The following SPRED1 variants were observed in gnomAD, a reference collection of about 807,000 sequenced individuals.
SPRED1 encodes the protein sprouty-related, EVH1 domain-containing protein 1.
In SPRED1, 18 loss-of-function variants were observed where a neutral mutation model predicts 52.3. That is an observed-to-expected ratio of 0.34 (90% CI 0.24 to 0.51). The LOEUF is 0.51. Among genes scored for constraint, SPRED1 ranks in the 20% least tolerant of loss-of-function variants. SPRED1 has a pLI of 0.97. For missense variants in SPRED1, 485 were observed against 551.0 expected, an observed-to-expected ratio of 0.88 and a Z score of 1.20; for synonymous variants, 155 against 179.7, an observed-to-expected ratio of 0.86 and a Z score of 1.10.
intron 1 of SPRED1, among the ~76,000 whole-genome samples, chr15:38,285,967 G>A (rs999389422): frequency 7.2e-5 from 11 of 152,150 alleles, no homozygotes; most frequent in African/African-American, 2.2e-4. Context: ...AGATCAGGCA[G>A]GTGTGGAGGC....
chr15:38,349,766 T>G (rs538615598), intron 6 of SPRED1, among the ~76,000 whole-genome samples: 11 of 152,240 alleles, frequency 7.2e-5, no homozygotes, highest in Admixed American at 1.3e-4. Context: ...ATATTGTTAA[T>G]TAAATAAACT....
intron 2 of SPRED1, among the ~76,000 whole-genome samples, chr15:38,310,144 TG>T (rs1566863191): frequency 8.8e-5 from 12 of 136,104 alleles, no homozygotes; most frequent in South Asian, 2.5e-4. Flanking sequence ...TGTGTGTGTG[TG>T]TGTGTGTGTT....
At chr15:38,259,444 G>T (rs150773056) in intron 1 of SPRED1, among the ~76,000 whole-genome samples, 2 of 152,062 alleles carry the variant, frequency 1.3e-5, no homozygotes, top group African/African-American at 4.8e-5. Flanking sequence ...TGTGGTGATC[G>T]GGTCCTGCCC....
chr15:38,340,030 A>C, intron 5 of SPRED1, 135 bp downstream of exon 5: 1 of 1,132,916 alleles, frequency 8.8e-7, no homozygotes, highest in Non-Finnish European at 1.3e-6. Context: ...CACAAACAAA[A>C]CCAGGAGAAT....
At chr15:38,282,202 C>T (rs1168933858) in intron 1 of SPRED1, among the ~76,000 whole-genome samples, 3 of 152,028 alleles carry the variant, frequency 2.0e-5, no homozygotes, top group Non-Finnish European at 2.9e-5. Context: ...TGGCCAGAAT[C>T]GGTGGCTCAT....
intron 2 of SPRED1, among the ~76,000 whole-genome samples, chr15:38,320,160 A>G (rs1408443895): frequency 2.0e-5 from 3 of 152,194 alleles, no homozygotes; most frequent in Non-Finnish European, 4.4e-5. Context: ...GCTTTTAACA[A>G]TGGCTTCCAA....
chr15:38,340,950 C>A (rs1896016019), intron 5 of SPRED1, among the ~76,000 whole-genome samples: 1 of 145,734 alleles, frequency 6.9e-6, no homozygotes, highest in African/African-American at 2.5e-5. Context: ...TTATTTCTTT[C>A]TTAAATGTTT....
chr15:38,259,254 A>G (rs1275902128), intron 1 of SPRED1, among the ~76,000 whole-genome samples: 1 of 152,028 alleles, frequency 6.6e-6, no homozygotes, highest in Non-Finnish European at 1.5e-5. Flanking sequence ...TTTTTTATGT[A>G]TTTATTTATT....
intron 1 of SPRED1, among the ~76,000 whole-genome samples, chr15:38,254,290 T>C (rs1894046021): frequency 6.6e-6 from 1 of 152,188 alleles, no homozygotes; most frequent in Middle Eastern, 3.2e-3. Context: ...CTTTTTAAAG[T>C]CTGTACCGAG....
chr15:38,339,898 A>G lies in SPRED1; in HGVS notation c.582+3A>G, dbSNP rs1232737795. On this transcript the variant is annotated splice_donor_region_variant and intron_variant, in intron 5 of 6. Coordinates refer to ENST00000299084, the MANE Select transcript of SPRED1 (RefSeq NM_152594.3). ...ACATGCAAAGCCAAGCCAATCAGGTAAGAAGATAAAATATTTTTTCGGCGC... is the reference window on the plus strand; with the variant it reads ...ACATGCAAAGCCAAGCCAATCAGGTGAGAAGATAAAATATTTTTTCGGCGC... 1 of 1,613,704 alleles carries G rather than the reference A, an allele frequency of 6.2e-7. No individual in the cohort carries two copies. The highest frequency in any genetic ancestry group is 8.5e-7 in the Non-Finnish European group (1 of 1,179,852).
At chr15:38,339,086 A>G (rs1031821008) in intron 4 of SPRED1, among the ~76,000 whole-genome samples, 4 of 152,024 alleles carry the variant, frequency 2.6e-5, no homozygotes, top group Non-Finnish European at 4.4e-5. Context: ...CCCTTCCAGG[A>G]CTTTGTGTTT....
chr15:38,339,723 G>A lies in SPRED1; in HGVS notation c.424-14G>A. 2 of 1,613,210 alleles carry A rather than the reference G, an allele frequency of 1.2e-6. No homozygotes were observed. Among genetic ancestry groups the A allele is most frequent in the South Asian group, 1.1e-5 (1 of 91,068 alleles). Reference sequence around the variant, plus strand: ...TATTCTGGCAACTAATGCATTGAGGGTTGTTCCCAATAGGCAAATGAAGAG... The same window carrying A: ...TATTCTGGCAACTAATGCATTGAGGATTGTTCCCAATAGGCAAATGAAGAG... On this transcript the variant is annotated splice_polypyrimidine_tract_variant and intron_variant, in intron 4 of 6. Transcript: ENST00000299084.
chr15:38,333,859 A>G (rs1380346599), intron 4 of SPRED1, among the ~76,000 whole-genome samples: 1 of 152,112 alleles, frequency 6.6e-6, no homozygotes, highest in Non-Finnish European at 1.5e-5. Flanking sequence ...ATCCATAGAC[A>G]GAGAATAGAT....
Position 38,352,010 on chromosome 15 carries a change from T to A in SPRED1, c.*346T>A, listed in dbSNP as rs954413934. ...GTGATGGGACTTTTAAAGGTTTGAA[T>A]TTATTAGGACACGAACTAAAAATAA... On this transcript the variant is annotated 3_prime_UTR_variant, in exon 7 of 7. Coordinates refer to ENST00000299084, the MANE Select transcript of SPRED1 (RefSeq NM_152594.3). 1.0e-5 allele frequency: 3 copies of A among 286,042 alleles called. No homozygotes were observed. In the South Asian group the frequency reaches 1.5e-4, roughly 14 times the overall value. The allele number at this position is 286,042 out of a possible 1,614,324, so 17.7% of individuals were successfully genotyped here.
At chr15:38,298,798 T>C (rs1895092491) in intron 1 of SPRED1, among the ~76,000 whole-genome samples, 1 of 152,210 alleles carries the variant, frequency 6.6e-6, no homozygotes, top group African/African-American at 2.4e-5. Context: ...ATTTGCTTGT[T>C]AAGTAATCTA....
At chr15:38,325,816 C>T (rs1895701620) in intron 4 of SPRED1, 1 of 152,096 alleles carries the variant, frequency 6.6e-6, no homozygotes, top group Admixed American at 6.5e-5. Context: ...TTCATTGCAA[C>T]CTTATGAGGA....
At chr15:38,307,084 T>G (rs1026422689) in intron 2 of SPRED1, among the ~76,000 whole-genome samples, 14 of 152,342 alleles carry the variant, frequency 9.2e-5, no homozygotes, top group African/African-American at 3.4e-4. Flanking sequence ...ATAGCTAAAT[T>G]AAAGCCCAAA....
chr15:38,263,237 A>G (rs1049736946), intron 1 of SPRED1, among the ~76,000 whole-genome samples: 2 of 152,196 alleles, frequency 1.3e-5, no homozygotes, highest in African/African-American at 4.8e-5. Context: ...AATAGAGATG[A>G]ACCCGGTTTT....
intron 4 of SPRED1, 136 bp downstream of exon 4, chr15:38,324,945 C>A: frequency 1.3e-6 from 1 of 776,420 alleles, no homozygotes; most frequent in South Asian, 1.6e-5. Flanking sequence ...AAGAAAAGAA[C>A]CAATACAGGT....
Sources: allele counts gnomAD v4.1 joint callset (sites outside exome capture counted in the v4.1 genomes callset), GRCh38; gene constraint gnomAD v4.1.1; transcripts MANE v1.5; gene names NCBI Gene and HGNC (gene_info 2026-07-23, HGNC 2026-07-21).